The following CD300LF variants were observed in gnomAD, a reference collection of about 807,000 sequenced individuals.
CD300LF encodes CD300 molecule like family member f.
A neutral mutation model predicts 32.2 loss-of-function variants in CD300LF; 27 were observed. The ratio of observed to expected loss-of-function variants is 0.84; its 90% CI spans 0.62 to 1.15. The LOEUF (loss-of-function observed/expected upper bound fraction) is 1.15. CD300LF is among the 50% of genes most tolerant of loss of function. The probability of loss-of-function intolerance (pLI) is 0.00; values close to 1 mark genes in which losing one functional copy is unlikely to be tolerated. For missense variants in CD300LF, 348 were observed against 356.8 expected (o/e 0.98, Z 0.20); for synonymous variants, 139 against 143.2 (o/e 0.97, Z 0.21).
At chr17:74,697,197 A>G (rs1203225580) in intron 4 of CD300LF, among the ~76,000 whole-genome samples, 1 of 151,816 alleles carries the variant, frequency 6.6e-6, no homozygotes, top group Non-Finnish European at 1.5e-5. Flanking sequence ...ACCCGCCTCA[A>G]CCTCCCTAAG....
At chr17:74,695,439 C>T (rs887283883) in intron 6 of CD300LF, among the ~76,000 whole-genome samples, 188 bp from the exon 7 acceptor site, 1 of 152,176 alleles carries the variant, frequency 6.6e-6, no homozygotes, top group South Asian at 2.1e-4. Context: ...AGATTCTCCC[C>T]CAACCCTGCA....
chr17:74,696,054 C>T, intron 5 of CD300LF, 141 bp downstream of exon 5: 1 of 1,286,242 alleles, frequency 7.8e-7, no homozygotes, highest in Non-Finnish European at 1.1e-6. Flanking sequence ...CCCTCAGCCC[C>T]CAGGCCCTGC....
At chr17:74,696,275 C>T in intron 4 of CD300LF, 58 bp from the exon 5 acceptor site, 1 of 1,552,592 alleles carries the variant, frequency 6.4e-7, no homozygotes, top group Non-Finnish European at 8.7e-7. Context: ...TCACAAGAAC[C>T]CCCAGGTCTA....
chr17:74,703,760 G>C (rs1381883254), intron 2 of CD300LF, among the ~76,000 whole-genome samples: 1 of 152,198 alleles, frequency 6.6e-6, no homozygotes, highest in African/African-American at 2.4e-5. Flanking sequence ...CATGCCACAA[G>C]GGCCCTCGAG....
chr17:74,711,321 C>T (rs1224207678), intron 1 of CD300LF, among the ~76,000 whole-genome samples: 1 of 152,172 alleles, frequency 6.6e-6, no homozygotes, highest in Admixed American at 6.5e-5. Flanking sequence ...ACACGACTCT[C>T]ACATCTGCTC....
intron 1 of CD300LF, among the ~76,000 whole-genome samples, chr17:74,707,349 G>A (rs1454106378): frequency 6.6e-6 from 1 of 152,208 alleles, no homozygotes; most frequent in Non-Finnish European, 1.5e-5. Flanking sequence ...TTTCTCAAAA[G>A]AGGAGCTATA....
intron 4 of CD300LF, among the ~76,000 whole-genome samples, chr17:74,697,839 T>G (rs959190156): frequency 1.1e-4 from 17 of 152,158 alleles, no homozygotes; most frequent in African/African-American, 3.9e-4. Context: ...CTGATCAGAC[T>G]TGGAGGGCTG....
chr17:74,705,024 T>TC (rs776451700), intron 1 of CD300LF, among the ~76,000 whole-genome samples: 1 of 151,958 alleles, frequency 6.6e-6, no homozygotes, highest in African/African-American at 2.4e-5. Context: ...CAACAACGGA[T>TC]CCCCCCAAAA....
intron 1 of CD300LF, 106 bp downstream of exon 1, chr17:74,712,718 C>T: frequency 1.7e-6 from 2 of 1,157,678 alleles, no homozygotes; most frequent in South Asian, 1.3e-5. Flanking sequence ...ACGCACAAGG[C>T]TCATGCCATT....
chr17:74,695,922 CACGGTGGGACGGG>C, intron 5 of CD300LF, 63 bp from the exon 6 acceptor site: 2 of 1,562,362 alleles, frequency 1.3e-6, no homozygotes, highest in Admixed American at 3.6e-5. Flanking sequence ...GTTCCTTTTC[CACGGTGGGACGGG>C]ACGAGAGCCT....
Position 74,694,722 on chromosome 17 carries a change from G to A in CD300LF, c.*374C>T, listed in dbSNP as rs1422248662. 1 of 166,926 alleles carries A rather than the reference G, an allele frequency of 6.0e-6. No individual in the cohort carries two copies. Among genetic ancestry groups the A allele is most frequent in the African/African-American group, 2.4e-5 (1 of 41,856 alleles). The allele number at this position is 166,926 out of a possible 1,614,324, so 10.3% of individuals were successfully genotyped here. A position where few individuals can be genotyped will look rare whatever the true frequency, so the allele number is the denominator to read the frequency against. On this transcript the variant is annotated 3_prime_UTR_variant, in exon 7 of 7. Coordinates refer to ENST00000326165, the MANE Select transcript of CD300LF (RefSeq NM_139018.5). ...AGGATTAGGACACAGATATCTTTGG[G>A]GGCCATTATTCAGCCCATAACATGT...
At chr17:74,703,683 G>T (rs1006388660) in intron 2 of CD300LF, among the ~76,000 whole-genome samples, 4 of 152,214 alleles carry the variant, frequency 2.6e-5, no homozygotes, top group African/African-American at 4.8e-5. Flanking sequence ...TCAGCACTTT[G>T]CAAACTAGAA....
At chr17:74,701,771 AC>A (rs2033066831) in intron 3 of CD300LF, among the ~76,000 whole-genome samples, 1 of 151,216 alleles carries the variant, frequency 6.6e-6, no homozygotes, top group African/African-American at 2.4e-5. Context: ...AATCACATGA[AC>A]CTGGGAGGTG....
chr17:74,712,886 C>G lies in CD300LF; in HGVS notation c.-20G>C. The G allele has an allele frequency of 1.2e-6, 2 of 1,613,662 alleles. No individual in the cohort carries two copies. The highest frequency in any genetic ancestry group is 2.2e-5 in the South Asian group (2 of 91,046). On this transcript the variant is annotated 5_prime_UTR_variant, in exon 1 of 7. Transcript: ENST00000326165. ...GGGCATCTTCTCTTCAGACAGGTCC[C>G]CGTTCCCCTCAGTGGAGCCTGGCAG...
At chr17:74,698,765 A>G (rs2032762013) in intron 3 of CD300LF, 1 of 562,228 alleles carries the variant, frequency 1.8e-6, no homozygotes, top group African/African-American at 1.9e-5. Flanking sequence ...ATTGGGTACT[A>G]TACCTATTAC....
At chr17:74,709,786 T>A (rs1435259331) in intron 1 of CD300LF, among the ~76,000 whole-genome samples, 2 of 152,034 alleles carry the variant, frequency 1.3e-5, no homozygotes, top group Admixed American at 1.3e-4. Flanking sequence ...TTGCCCAAGC[T>A]GGTCTCAAAC....
chr17:74,705,084 C>G, intron 1 of CD300LF: 1 of 645,716 alleles, frequency 1.5e-6, no homozygotes, highest in Non-Finnish European at 2.8e-6. Flanking sequence ...TCACCCCTCT[C>G]TCCACCCTAC....
intron 1 of CD300LF, among the ~76,000 whole-genome samples, chr17:74,706,809 G>A (rs139125884): frequency 2.6e-5 from 4 of 152,216 alleles, no homozygotes; most frequent in South Asian, 2.1e-4. Context: ...GTATCCATGC[G>A]AAGGCACAGC....
chr17:74,695,659 C>T (rs539285223), intron 6 of CD300LF, 66 bp downstream of exon 6: 157 of 1,608,078 alleles, frequency 9.8e-5, no homozygotes, highest in Non-Finnish European at 1.2e-4. Flanking sequence ...CACCCTCCAA[C>T]GGGGTGCAAC....
Sources: allele counts gnomAD v4.1 joint callset (sites outside exome capture counted in the v4.1 genomes callset), GRCh38; gene constraint gnomAD v4.1.1; transcripts MANE v1.5; gene names NCBI Gene and HGNC (gene_info 2026-07-23, HGNC 2026-07-21).